PTPRD: variants seen among roughly 807,000 people sequenced by gnomAD.
PTPRD encodes receptor-type tyrosine-protein phosphatase delta.
In PTPRD, 34 loss-of-function variants were observed where a neutral mutation model predicts 214.5. The ratio of observed to expected loss-of-function variants is 0.16; its 90% confidence interval spans 0.12 to 0.21. The LOEUF is 0.21. Among genes scored for constraint, PTPRD ranks in the 10% least tolerant of loss-of-function variants. The pLI is 1.00. For missense variants in PTPRD, 2,545 were observed against 2,398.7 expected (o/e 1.06, Z -1.27); for synonymous variants, 1,128 against 845.7 (o/e 1.33, Z -5.79).
chr9:8,753,637 C>T (rs887318432), intron 11 of PTPRD, among the ~76,000 whole-genome samples: 5 of 152,094 alleles, frequency 3.3e-5, no homozygotes, highest in African/African-American at 4.8e-5. Flanking sequence ...TTTTGCAAGG[C>T]TGCTAAATAC....
chr9:9,832,360 T>G (rs977225347), intron 5 of PTPRD, among the ~76,000 whole-genome samples: 3 of 151,996 alleles, frequency 2.0e-5, no homozygotes, highest in Non-Finnish European at 4.4e-5. Context: ...GATATGTAAC[T>G]GTGTATTTTT....
chr9:8,646,503 T>C (rs142878171), intron 12 of PTPRD, among the ~76,000 whole-genome samples: 67 of 152,316 alleles, frequency 4.4e-4, no homozygotes, highest in African/African-American at 1.5e-3. Flanking sequence ...TAAAATTCTC[T>C]CATCTCGATG....
intron 3 of PTPRD, among the ~76,000 whole-genome samples, chr9:10,151,072 T>TC (rs2099057507): frequency 6.8e-6 from 1 of 147,324 alleles, no homozygotes; most frequent in Non-Finnish European, 1.5e-5. Context: ...TTTTTTTTTT[T>TC]TTTTTTGAGA....
chr9:9,119,249 A>C (rs1210198108), intron 10 of PTPRD, among the ~76,000 whole-genome samples: 1 of 152,224 alleles, frequency 6.6e-6, no homozygotes, highest in African/African-American at 2.4e-5. Flanking sequence ...TGCAGAAACC[A>C]GTTAGTTGTT....
intron 9 of PTPRD, among the ~76,000 whole-genome samples, chr9:9,190,455 G>A (rs1253935268): frequency 6.6e-6 from 1 of 151,954 alleles, no homozygotes; most frequent in African/African-American, 2.4e-5. Context: ...TTCTCTTGCA[G>A]CTGCCATGTA....
At chr9:9,614,999 T>A (rs1018449773) in intron 7 of PTPRD, among the ~76,000 whole-genome samples, 1 of 152,148 alleles carries the variant, frequency 6.6e-6, no homozygotes, top group Non-Finnish European at 1.5e-5. Context: ...GGGGAGAAAT[T>A]GCAGGAGGAA....
At chr9:8,366,940 C>T (rs773739078) in intron 39 of PTPRD, among the ~76,000 whole-genome samples, 5 of 152,190 alleles carry the variant, frequency 3.3e-5, no homozygotes, top group Non-Finnish European at 7.3e-5. Context: ...TTTTGGAACT[C>T]CTTCTTGGCA....
At chr9:8,825,596 C>A (rs2097159807) in intron 11 of PTPRD, among the ~76,000 whole-genome samples, 1 of 152,028 alleles carries the variant, frequency 6.6e-6, no homozygotes, top group Non-Finnish European at 1.5e-5. Flanking sequence ...AGAGAGGGTT[C>A]TTGGATTTTG....
At chr9:9,737,703 T>C (rs2761725) in intron 6 of PTPRD, among the ~76,000 whole-genome samples, 75,439 of 151,762 alleles carry the variant, frequency 0.5, 22,393 homozygotes, top group African/African-American at 0.83. Context: ...AAATATTTCA[T>C]CGAATGGATA....
intron 10 of PTPRD, among the ~76,000 whole-genome samples, chr9:9,163,757 G>A (rs1310664780): frequency 6.6e-6 from 1 of 152,126 alleles, no homozygotes. Context: ...ACGTTAAGCA[G>A]CCTCATAACT....
At chr9:9,862,348 C>T (rs1455519488) in intron 5 of PTPRD, among the ~76,000 whole-genome samples, 1 of 152,316 alleles carries the variant, frequency 6.6e-6, no homozygotes, top group African/African-American at 2.4e-5. Context: ...GAAAGATCTG[C>T]CCCATCTATG....
intron 2 of PTPRD, among the ~76,000 whole-genome samples, chr9:10,389,833 T>C (rs2098018112): frequency 6.6e-6 from 1 of 151,922 alleles, no homozygotes; most frequent in Admixed American, 6.6e-5. Flanking sequence ...AGTCATCTAT[T>C]CGAGATCCTT....
intron 27 of PTPRD, among the ~76,000 whole-genome samples, chr9:8,491,658 T>TAA (rs922847603): frequency 0.053 from 5,964 of 113,444 alleles, 494 homozygotes; most frequent in African/African-American, 0.18. Flanking sequence ...CAATGGTATT[T>TAA]AAAAAAAAAA....
intron 2 of PTPRD, among the ~76,000 whole-genome samples, chr9:10,383,054 G>GC (rs2097851995): frequency 6.6e-6 from 1 of 151,704 alleles, no homozygotes; most frequent in African/African-American, 2.4e-5. Flanking sequence ...TTAAGTCATT[G>GC]TTCATATTTT....
intron 11 of PTPRD, among the ~76,000 whole-genome samples, chr9:8,934,798 C>T (rs1448783454): frequency 4.0e-5 from 6 of 151,614 alleles, no homozygotes; most frequent in African/African-American, 1.5e-4. Context: ...TGGCAACCAC[C>T]ATCGTACTCT....
chr9:10,543,252 A>T (rs1258503196), intron 2 of PTPRD, among the ~76,000 whole-genome samples: 1 of 152,146 alleles, frequency 6.6e-6, no homozygotes, highest in Non-Finnish European at 1.5e-5. Flanking sequence ...CTAACTCTAC[A>T]TTTAAGCTAA....
At chr9:9,227,325 A>C (rs1347363414) in intron 9 of PTPRD, among the ~76,000 whole-genome samples, 1 of 152,122 alleles carries the variant, frequency 6.6e-6, no homozygotes, top group African/African-American at 2.4e-5. Context: ...GTATGGGAGA[A>C]GACCGAGATT....
chr9:8,338,634 A>G (rs1035953933), intron 43 of PTPRD, among the ~76,000 whole-genome samples: 5 of 152,228 alleles, frequency 3.3e-5, no homozygotes, highest in East Asian at 1.9e-4. Context: ...CAGCCAACCA[A>G]TCAGTAAACA....
At chr9:9,365,350 G>T (rs1399692977) in intron 9 of PTPRD, among the ~76,000 whole-genome samples, 10 of 151,460 alleles carry the variant, frequency 6.6e-5, no homozygotes. Context: ...GTTGGTATTA[G>T]CCTTAATAGA....
Sources: allele counts gnomAD v4.1 joint callset (sites outside exome capture counted in the v4.1 genomes callset), GRCh38; gene constraint gnomAD v4.1.1; transcripts MANE v1.5; gene names NCBI Gene and HGNC (gene_info 2026-07-23, HGNC 2026-07-21).